The following HSPA8 variants were observed in gnomAD, a reference collection of about 807,000 sequenced individuals.
The protein encoded by HSPA8 is heat shock cognate 71 kDa protein.
A neutral mutation model predicts 52.8 loss-of-function variants in HSPA8; 2 were observed. That is an observed-to-expected ratio of 0.04 (90% CI 0.02 to 0.12). The LOEUF is 0.12. Ranked by LOEUF, HSPA8 falls within the 10% of genes least tolerant of loss-of-function variation. The probability of loss-of-function intolerance (pLI) is 1.00; values close to 1 mark genes in which losing one functional copy is unlikely to be tolerated. For synonymous variants in HSPA8, 436 were observed against 274.0 expected (o/e 1.59, Z -5.84); for missense variants, 349 against 800.5 (o/e 0.44, Z 6.81).
In HSPA8 at chr11:123,060,617, T is replaced by C. The variant is rs1323541790; in HGVS notation, c.387A>G (p.Glu129=). ...VSSMVLTKMK[E]IAEAYLGKTV... is the part of the protein sequence containing the mutation. ...CCTTCCCAAGGTAGGCTTCTGCAAT[T>C]TCCTTCATCTTTGTCAGAACCATAG... is the stretch of plus-strand genomic sequence containing the variant. The change falls in exon 3 of 9, where the codon GAA becomes GAG. Residue 129 remains glutamate, a synonymous_variant. Coordinates refer to ENST00000534624, the MANE Select transcript of HSPA8 (RefSeq NM_006597.6). 4.3e-6 allele frequency: 7 copies of C among 1,613,588 alleles called. No individual in the cohort carries two copies. The Admixed American group carries it at 6.7e-5, about 15-fold the overall frequency.
chr11:123,060,005 G>C lies in HSPA8; in HGVS notation c.588C>G (p.Leu196=). The C allele has an allele frequency of 6.2e-7, 1 of 1,613,828 alleles. No individual in the cohort carries two copies. The highest frequency in any genetic ancestry group is 8.5e-7 in the Non-Finnish European group (1 of 1,179,858). Residue 196 remains leucine, a synonymous_variant, in exon 5 of 9, where the codon CTC becomes CTG. Transcript: ENST00000534624. The part of the protein sequence containing the change: ...DKKVGAERNV[L]IFDLGGGTFD... ...AAGTGCCACCTCCCAGGTCAAAGAT[G>C]AGCACGTTTCTTTCTGCTCCAACCT...
At chr11:123,062,350 A>T (rs1268287986), upstream of HSPA8, 1 of 152,404 alleles carries the variant, frequency 6.6e-6, no homozygotes, top group Non-Finnish European at 1.5e-5. Context: ...CACTCACCGC[A>T]GCGTTCTGGA....
In HSPA8 at chr11:123,061,199, G is replaced by C. The variant is rs369851462; in HGVS notation, c.126C>G (p.Val42=). Residue 42 remains valine, a synonymous_variant, in exon 2 of 9, where the codon GTC becomes GTG. Coordinates refer to ENST00000534624, the MANE Select transcript of HSPA8 (RefSeq NM_006597.6). ...TCAACCGTTCAGTGTCCGTAAAGGC[G>C]ACATAGCTTGGAGTGGTTCGGTTTC... ...DQGNRTTPSY[V]AFTDTERLIG... The C allele has an allele frequency of 5.6e-6, 9 of 1,613,852 alleles. No homozygotes were observed. The highest frequency in any genetic ancestry group is 2.2e-5 in the East Asian group (1 of 44,882).
chr11:123,060,643 A>C lies in HSPA8; in HGVS notation c.361T>G (p.Ser121Ala). 6.2e-7 allele frequency: 1 copy of C among 1,613,762 alleles called. No homozygotes were observed. The highest frequency in any genetic ancestry group is 8.5e-7 in the Non-Finnish European group (1 of 1,179,782). ...TCCTTCATCTTTGTCAGAACCATAGAAGACACCTCCTCTGGATAGAAGCTT... is the reference window on the plus strand; with the variant it reads ...TCCTTCATCTTTGTCAGAACCATAGCAGACACCTCCTCTGGATAGAAGCTT... ...TKSFYPEEVS[S>A]MVLTKMKEIA... The change falls in exon 3 of 9, where the codon TCT becomes GCT. Residue 121 changes from serine (S) to alanine (A), a missense_variant. By Grantham distance (99) the Ser-to-Ala change is moderately conservative. Transcript: ENST00000534624.
chr11:123,058,107 A>AAC, intron 8 of HSPA8, 145 bp downstream of exon 8: 1 of 717,514 alleles, frequency 1.4e-6, no homozygotes, highest in South Asian at 1.8e-5. Flanking sequence ...GGTAGTTGCC[A>AAC]ACACCTTGAA....
chr11:123,059,648 G>T lies in HSPA8; in HGVS notation c.945C>A (p.Asp315Glu). Reference protein sequence around the residue: ...LNADLFRGTLDPVEKALRDAK... With the variant: ...LNADLFRGTLEPVEKALRDAK... ...CATCTCGAAGGGCTTTCTCTACTGGGTCCAGGGTGCCACGGAACAGGTCAG... is the reference window on the plus strand; with the variant it reads ...CATCTCGAAGGGCTTTCTCTACTGGTTCCAGGGTGCCACGGAACAGGTCAG... Residue 315 changes from aspartate to glutamate, a missense_variant, in exon 5 of 9, where the codon GAC becomes GAA. Asp to Glu is a conservative substitution (Grantham distance 45). Coordinates refer to ENST00000534624, the MANE Select transcript of HSPA8 (RefSeq NM_006597.6). The T allele has an allele frequency of 7.4e-6, 12 of 1,614,094 alleles. No individual in the cohort carries two copies. The highest frequency in any genetic ancestry group is 9.3e-6 in the Non-Finnish European group (11 of 1,180,010).
At chr11:123,058,990 T>G in intron 6 of HSPA8, 69 bp downstream of exon 6, 1 of 1,467,092 alleles carries the variant, frequency 6.8e-7, no homozygotes, top group Non-Finnish European at 9.5e-7. Flanking sequence ...TCCATCATCA[T>G]AGCGAGTCAG....
upstream of HSPA8, chr11:123,062,427 G>C (rs1011668499): frequency 6.6e-6 from 1 of 152,382 alleles, no homozygotes; most frequent in Non-Finnish European, 1.5e-5. Flanking sequence ...CAGCGAGTCC[G>C]CGCGCGGGAG....
intron 2 of HSPA8, 107 bp downstream of exon 2, chr11:123,061,013 T>C (rs934474485): frequency 9.9e-7 from 1 of 1,011,720 alleles, no homozygotes; most frequent in Non-Finnish European, 1.5e-6. Flanking sequence ...AACAAGTCTC[T>C]CAGCTCAGTT....
chr11:123,060,758 A>G lies in HSPA8; in HGVS notation c.246T>C (p.Val82=). 6.2e-7 allele frequency: 1 copy of G among 1,614,128 alleles called. No homozygotes were observed. The highest frequency in any genetic ancestry group is 2.2e-5 in the East Asian group (1 of 44,884). ...RLIGRRFDDA[V]VQSDMKHWPF... The stretch of plus-strand genomic sequence containing the variant: ...GCCAATGTTTCATATCAGACTGGAC[A>G]ACAGCATCATCAAATCTGCGTCCAA... Residue 82 remains valine, a synonymous_variant, in exon 3 of 9, where the codon GTT becomes GTC. Transcript: ENST00000534624.
rs1440271242 is a variant in HSPA8 at position 123,062,092 on chromosome 11, A to G, written c.-34T>C. 2 of 152,846 alleles carry G rather than the reference A, an allele frequency of 1.3e-5. No homozygotes were observed. The highest frequency in any genetic ancestry group is 4.8e-5 in the African/African-American group (2 of 41,442). 9.5% of individuals were successfully genotyped at this position (152,846 alleles called of 1,614,324 possible). On this transcript the variant is annotated 5_prime_UTR_variant, in exon 1 of 9. Transcript: ENST00000534624. ...GGGTGTAGGCCTGGCTCCAATAACG[A>G]AGGAAGCCACAAAAAACCCAAGAGC...
At chr11:123,061,800 C>A in intron 1 of HSPA8, 1 of 164,412 alleles carries the variant, frequency 6.1e-6, no homozygotes, top group South Asian at 1.4e-4. Flanking sequence ...GATGCAGCAA[C>A]CCTCCCCCGC....
At chr11:123,061,873 C>T (rs533583637) in intron 1 of HSPA8, 191 bp downstream of exon 1, 1 of 157,782 alleles carries the variant, frequency 6.3e-6, no homozygotes, top group Non-Finnish European at 1.4e-5. Context: ...CCCTACATTT[C>T]CGTCCTGCCG....
Position 123,058,353 on chromosome 11 carries a change from T to A in HSPA8, c.1654A>T (p.Thr552Ser). ...LESYAFNMKATVEDEKLQGKI... is the reference protein window; with the variant it reads ...LESYAFNMKASVEDEKLQGKI... Reference sequence around the variant, plus strand: ...CCTTGAAGTTTCTCATCTTCAACAGTTGCTTTCATGTTGAAGGCATAGGAC... The same window carrying A: ...CCTTGAAGTTTCTCATCTTCAACAGATGCTTTCATGTTGAAGGCATAGGAC... The change falls in exon 8 of 9, where the codon ACT becomes TCT. Residue 552 changes from threonine to serine, a missense_variant. Transcript: ENST00000534624. The A allele has an allele frequency of 2.5e-6, 4 of 1,612,428 alleles. No individual in the cohort carries two copies. The highest frequency in any genetic ancestry group is 3.4e-6 in the Non-Finnish European group (4 of 1,178,440).
chr11:123,058,226 G>GAAGA (rs1555074070), intron 8 of HSPA8, 26 bp downstream of exon 8: 77 of 1,013,496 alleles, frequency 7.6e-5, no homozygotes, highest in Non-Finnish European at 1.1e-4. Flanking sequence ...AGTGGGGGAG[G>GAAGA]AAAAAAAAAA....
chr11:123,061,473 G>C (rs1417251719), intron 1 of HSPA8, 144 bp from the exon 2 acceptor site: 3 of 662,926 alleles, frequency 4.5e-6, no homozygotes, highest in South Asian at 3.7e-5. Context: ...GCACGCGCGA[G>C]GTCCAGAACT....
intron 2 of HSPA8, 34 bp from the exon 3 acceptor site, chr11:123,060,832 T>C: frequency 6.4e-7 from 1 of 1,566,050 alleles, no homozygotes; most frequent in South Asian, 1.1e-5. Context: ...CACTTTCAAT[T>C]TCATAGCTCT....
intron 3 of HSPA8, 100 bp from the exon 4 acceptor site, chr11:123,060,368 C>T (rs1865455990): frequency 2.0e-6 from 2 of 1,019,058 alleles, no homozygotes; most frequent in African/African-American, 2.4e-5. Flanking sequence ...AGCTGGAGCA[C>T]CCCCCCCACC....
chr11:123,059,373 C>G, intron 5 of HSPA8, 100 bp downstream of exon 5: 1 of 1,390,824 alleles, frequency 7.2e-7, no homozygotes, highest in East Asian at 2.3e-5. Flanking sequence ...CATCATTAGC[C>G]AAGCTTTTGG....
Sources: allele counts gnomAD v4.1 joint callset, GRCh38; gene constraint gnomAD v4.1.1; transcripts MANE v1.5; gene names NCBI Gene and HGNC (gene_info 2026-07-23, HGNC 2026-07-21).